Variants in SNX16 observed in about 807,000 individuals in gnomAD.
SNX16 encodes sorting nexin 16, also known as sorting nexin-16.
A neutral mutation model predicts 36.7 loss-of-function variants in SNX16; 35 were observed. The observed-to-expected ratio is 0.95, with a 90% CI of 0.73 to 1.27. The LOEUF is 1.27. Among genes scored for constraint, SNX16 ranks in the 50% most tolerant of loss-of-function variants. SNX16 has a pLI of 0.00. For synonymous variants in SNX16, 134 were observed against 132.0 expected (o/e 1.02, Z -0.10); for missense variants, 367 against 393.6 (o/e 0.93, Z 0.57).
intron 2 of SNX16, among the ~76,000 whole-genome samples, chr8:81,830,578 G>A (rs1162046362): frequency 9.8e-6 from 1 of 102,108 alleles, no homozygotes; most frequent in Non-Finnish European, 2.0e-5. Flanking sequence ...CGTCTAGGGG[G>A]TAAAAAAAAA....
rs201998809 is a variant in SNX16, at chr8:81,800,674, G to A, written c.*823C>T. 2 of 152,012 alleles carry A rather than the reference G, an allele frequency of 1.3e-5. No individual in the cohort carries two copies. Among genetic ancestry groups the A allele is most frequent in the African/African-American group, 2.4e-5 (1 of 41,376 alleles). 9.4% of individuals were successfully genotyped at this position (152,012 alleles called of 1,614,324 possible). A position where few individuals can be genotyped will look rare whatever the true frequency, so the allele number is the denominator to read the frequency against. ...TATATGGCTTTTTATTTTCTTTTTTGTATAAGCCCCTATTTATTTAGAATC... is the reference window on the plus strand; with the variant it reads ...TATATGGCTTTTTATTTTCTTTTTTATATAAGCCCCTATTTATTTAGAATC... On this transcript the variant is annotated 3_prime_UTR_variant, in exon 8 of 8. Coordinates refer to ENST00000345957, the MANE Select transcript of SNX16 (RefSeq NM_152836.3).
rs1366507641 is a variant in SNX16, at chr8:81,799,792, T to C, written c.*1705A>G. The C allele has an allele frequency of 1.3e-5, 2 of 151,940 alleles. No homozygotes were observed. Among genetic ancestry groups the C allele is most frequent in the African/African-American group, 4.8e-5 (2 of 41,430 alleles). The allele number at this position is 151,940 out of a possible 1,614,324, so 9.4% of individuals were successfully genotyped here. ...TCGCTTTAGAACAGACAGGCAACAC[T>C]ATAATATCTAGAATTTGGCAAAGAT... is the stretch of plus-strand genomic sequence containing the variant. On this transcript the variant is annotated 3_prime_UTR_variant, in exon 8 of 8. Transcript: ENST00000345957.
chr8:81,820,083 T>C (rs1810665011), intron 4 of SNX16, among the ~76,000 whole-genome samples: 1 of 152,128 alleles, frequency 6.6e-6, no homozygotes, highest in African/African-American at 2.4e-5. Context: ...TATGTTGCCA[T>C]TCCAACTGTA....
rs569959007 is a variant in SNX16, at chr8:81,832,939, C to T, written c.376-3423G>A. Among the ~76,000 whole-genome samples the T allele has an allele frequency of 5.3e-5, 8 of 151,330 alleles. No homozygotes were observed. The South Asian group carries it at 1.7e-3, about 32-fold the overall frequency. On this transcript the variant is annotated intron_variant, in intron 2 of 7. Transcript: ENST00000345957. ...GCTGTGCAACAATTTTCAACTGCAG[C>T]TCTAGAGCTGCACTTTTGGTCACAC... is the stretch of plus-strand genomic sequence containing the variant.
chr8:81,819,804 C>A (rs770033441), intron 4 of SNX16, among the ~76,000 whole-genome samples: 4 of 151,994 alleles, frequency 2.6e-5, no homozygotes, highest in Admixed American at 1.3e-4. Context: ...AAACAACATT[C>A]TTTTAAAATA....
intron 5 of SNX16, chr8:81,808,368 G>A (rs1214984644): frequency 2.3e-6 from 3 of 1,310,282 alleles, no homozygotes; most frequent in African/African-American, 1.4e-5. Context: ...AAGTGGTTCT[G>A]GAAACTTTGG....
intron 5 of SNX16, among the ~76,000 whole-genome samples, chr8:81,805,190 C>G (rs1286417639): frequency 6.6e-6 from 1 of 151,682 alleles, no homozygotes; most frequent in East Asian, 1.9e-4. Context: ...AGAACATAAT[C>G]TCTGAAAAAA....
chr8:81,841,924 C>T (rs1811807939), intron 1 of SNX16, 198 bp downstream of exon 1: 1 of 152,244 alleles, frequency 6.6e-6, no homozygotes, highest in Non-Finnish European at 1.5e-5. Context: ...CCCGCCTCCG[C>T]TGACCGGTGC....
chr8:81,815,625 G>A (rs1810447660), intron 4 of SNX16: 4 of 357,362 alleles, frequency 1.1e-5, no homozygotes, highest in East Asian at 5.0e-5. Flanking sequence ...AAACTATGGG[G>A]CATAAAACAT....
intron 5 of SNX16, 146 bp downstream of exon 5, chr8:81,815,179 A>T: frequency 2.0e-6 from 1 of 511,836 alleles, no homozygotes; most frequent in Non-Finnish European, 3.2e-6. Context: ...GCAACCTTTG[A>T]CTCAAACATG....
intron 5 of SNX16, among the ~76,000 whole-genome samples, chr8:81,812,554 A>G (rs1488524261): frequency 1.3e-5 from 2 of 152,100 alleles, no homozygotes; most frequent in East Asian, 3.8e-4. Context: ...CTGTCAGTAA[A>G]ACTATCTTTC....
chr8:81,808,624 G>A (rs1410738685), intron 5 of SNX16: 8 of 946,290 alleles, frequency 8.5e-6, no homozygotes, highest in Non-Finnish European at 1.4e-5. Flanking sequence ...GGAGGCAGAA[G>A]CTCTGGCCCC....
At chr8:81,840,463 G>C (rs1811694250) in intron 1 of SNX16, 1 of 152,454 alleles carries the variant, frequency 6.6e-6, no homozygotes, top group African/African-American at 2.4e-5. Context: ...GTACAAGAGA[G>C]AAAAAAGAAA....
intron 2 of SNX16, among the ~76,000 whole-genome samples, chr8:81,835,442 G>C (rs1232546802): frequency 6.6e-6 from 1 of 152,098 alleles, no homozygotes; most frequent in Non-Finnish European, 1.5e-5. Flanking sequence ...TCAGAAAATG[G>C]GATTTTACTT....
intron 2 of SNX16, among the ~76,000 whole-genome samples, chr8:81,834,892 T>A (rs932203282): frequency 1.3e-5 from 2 of 152,182 alleles, no homozygotes; most frequent in African/African-American, 4.8e-5. Context: ...TGGAGGATGA[T>A]GGCCCTCCTC....
In SNX16 at chr8:81,840,647, C is replaced by T. The variant is rs149472126; in HGVS notation, c.-96-565G>A. On this transcript the variant is annotated intron_variant, in intron 1 of 7. Coordinates refer to ENST00000345957, the MANE Select transcript of SNX16 (RefSeq NM_152836.3). ...TCTATAGAACCCAGGATTAAAAATA[C>T]ACACTTGGTCAAGTTACTCAAATAA... Among the ~76,000 whole-genome samples, 315 of 151,314 alleles carry T rather than the reference C, an allele frequency of 2.1e-3. 1 individual carries two copies. The highest frequency in any genetic ancestry group is 7.2e-3 in the African/African-American group (299 of 41,276).
At chr8:81,812,159 A>G (rs1233667464) in intron 5 of SNX16, among the ~76,000 whole-genome samples, 1 of 152,072 alleles carries the variant, frequency 6.6e-6, no homozygotes, top group East Asian at 1.9e-4. Context: ...AATGAACAGC[A>G]CTTCAGAGAC....
intron 2 of SNX16, among the ~76,000 whole-genome samples, chr8:81,830,200 C>CA (rs1268256936): frequency 6.6e-6 from 1 of 151,970 alleles, no homozygotes; most frequent in African/African-American, 2.4e-5. Flanking sequence ...TAGTTACACA[C>CA]AAAAAAACCA....
intron 5 of SNX16, among the ~76,000 whole-genome samples, chr8:81,806,351 T>C (rs1001111505): frequency 5.1e-4 from 77 of 152,286 alleles, no homozygotes; most frequent in African/African-American, 1.7e-3. Context: ...TCATAATCAA[T>C]GTTTTATCAA....
Sources: gnomAD v4.1 joint callset for allele counts (sites outside exome capture counted in the v4.1 genomes callset) on GRCh38, gnomAD v4.1.1 for gene constraint, MANE v1.5 for transcripts, NCBI Gene and HGNC (gene_info 2026-07-23, HGNC 2026-07-21) for gene names.